CREB5: variants seen among roughly 807,000 people sequenced by gnomAD.
The protein encoded by CREB5 is cAMP responsive element binding protein 5.
A neutral mutation model predicts 57.1 loss-of-function variants in CREB5; 19 were observed. The ratio of observed to expected loss-of-function variants is 0.33; its 90% CI spans 0.23 to 0.49. CREB5 has a LOEUF of 0.49. Ranked by LOEUF, CREB5 falls within the 20% of genes least tolerant of loss-of-function variation. The pLI, the probability that CREB5 is intolerant of heterozygous loss-of-function variation, is 0.99. For synonymous variants in CREB5, 238 were observed against 238.3 expected (o/e 1.00, Z 0.01); for missense variants, 579 against 671.6 (o/e 0.86, Z 1.52).
chr7:28,571,425 C>T (rs368848571), intron 5 of CREB5, among the ~76,000 whole-genome samples: 1 of 152,110 alleles, frequency 6.6e-6, no homozygotes, highest in African/African-American at 2.4e-5. Context: ...TATTAGCCCT[C>T]TCCTTCCTCT....
At chr7:28,710,885 G>C (rs1221329931) in intron 5 of CREB5, among the ~76,000 whole-genome samples, 4 of 152,174 alleles carry the variant, frequency 2.6e-5, no homozygotes, top group Non-Finnish European at 5.9e-5. Context: ...AATGTTCCTA[G>C]AGAAATGTAC....
At chr7:28,733,271 C>G (rs1803768900) in intron 7 of CREB5, among the ~76,000 whole-genome samples, 1 of 152,160 alleles carries the variant, frequency 6.6e-6, no homozygotes, top group African/African-American at 2.4e-5. Flanking sequence ...GTTTCACATG[C>G]ACCCTTTTCT....
chr7:28,807,434 G>A (rs1416046886), intron 8 of CREB5, among the ~76,000 whole-genome samples: 1 of 152,206 alleles, frequency 6.6e-6, no homozygotes, highest in Non-Finnish European at 1.5e-5. Flanking sequence ...GGGCGACAGA[G>A]AGAGACTCCG....
chr7:28,721,770 G>A (rs1043382909), intron 6 of CREB5, among the ~76,000 whole-genome samples: 3 of 152,212 alleles, frequency 2.0e-5, no homozygotes, highest in Non-Finnish European at 4.4e-5. Context: ...CCTTCAAGGA[G>A]TTCGGTGGGT....
chr7:28,801,232 G>C (rs1808344992), intron 7 of CREB5, among the ~76,000 whole-genome samples: 1 of 152,200 alleles, frequency 6.6e-6, no homozygotes, highest in Non-Finnish European at 1.5e-5. Flanking sequence ...CTGGGGTTTA[G>C]GGGAGAAGGC....
At chr7:28,393,128 T>C (rs760131006) in intron 1 of CREB5, among the ~76,000 whole-genome samples, 1 of 152,246 alleles carries the variant, frequency 6.6e-6, no homozygotes, top group Admixed American at 6.5e-5. Context: ...AGTTTCTCCA[T>C]GTTGATCAGG....
chr7:28,616,677 G>GT (rs1797607892), intron 5 of CREB5, among the ~76,000 whole-genome samples: 1 of 152,008 alleles, frequency 6.6e-6, no homozygotes, highest in African/African-American at 2.4e-5. Context: ...CAGAGAGGCA[G>GT]TTTTTTCTAT....
intron 5 of CREB5, among the ~76,000 whole-genome samples, chr7:28,619,286 A>G (rs1023106349): frequency 6.6e-6 from 1 of 152,326 alleles, no homozygotes; most frequent in African/African-American, 2.4e-5. Flanking sequence ...TAGATGGCCT[A>G]TAGCTTGGAT....
At chr7:28,528,772 TA>T (rs34947879) in intron 4 of CREB5, among the ~76,000 whole-genome samples, 13,870 of 92,480 alleles carry the variant, frequency 0.15, 864 homozygotes, top group East Asian at 0.27. Context: ...TGTTTTAGGT[TA>T]AAAAAAAAAA....
chr7:28,414,295 T>G (rs1730925018), intron 1 of CREB5, among the ~76,000 whole-genome samples: 1 of 151,970 alleles, frequency 6.6e-6, no homozygotes, highest in African/African-American at 2.4e-5. Context: ...GTCTTTTTTT[T>G]TTTTAGAGGC....
chr7:28,369,798 T>C (rs1786668396), intron 1 of CREB5, among the ~76,000 whole-genome samples: 2 of 152,154 alleles, frequency 1.3e-5, no homozygotes, highest in African/African-American at 4.8e-5. Flanking sequence ...AGGCTAAATC[T>C]AATCTTCACC....
chr7:28,380,410 G>A (rs1361459962), intron 1 of CREB5, among the ~76,000 whole-genome samples: 1 of 152,170 alleles, frequency 6.6e-6, no homozygotes, highest in African/African-American at 2.4e-5. Context: ...TCTCTGACAA[G>A]TGGTTTTGAC....
chr7:28,358,199 G>T (rs993754288), intron 1 of CREB5, among the ~76,000 whole-genome samples: 1 of 152,152 alleles, frequency 6.6e-6, no homozygotes, highest in Non-Finnish European at 1.5e-5. Context: ...GCTTAAATAT[G>T]CTCCGCTGAC....
chr7:28,592,644 G>C (rs1304721196), intron 5 of CREB5, among the ~76,000 whole-genome samples: 1 of 152,100 alleles, frequency 6.6e-6, no homozygotes, highest in African/African-American at 2.4e-5. Flanking sequence ...AACATGCATG[G>C]ATCAGTTAGT....
At chr7:28,416,930 A>G (rs982488601) in intron 1 of CREB5, among the ~76,000 whole-genome samples, 1 of 151,902 alleles carries the variant, frequency 6.6e-6, no homozygotes, top group African/African-American at 2.4e-5. Context: ...ATAGATTTTT[A>G]TATCAAATCT....
At chr7:28,631,385 G>C (rs1404899390) in intron 5 of CREB5, among the ~76,000 whole-genome samples, 3 of 152,152 alleles carry the variant, frequency 2.0e-5, no homozygotes, top group Non-Finnish European at 2.9e-5. Flanking sequence ...CTTGAGAAAG[G>C]CACTCAATCC....
chr7:28,499,404 G>A (rs1369590929), intron 3 of CREB5, among the ~76,000 whole-genome samples: 2 of 152,082 alleles, frequency 1.3e-5, no homozygotes, highest in African/African-American at 4.8e-5. Context: ...GTGCACATGT[G>A]TCCTCTCATG....
chr7:28,657,738 A>AT (rs1554281277), intron 5 of CREB5, among the ~76,000 whole-genome samples: 5,615 of 139,758 alleles, frequency 0.04, 455 homozygotes, highest in African/African-American at 0.14. Flanking sequence ...AAAAAAAAAA[A>AT]GAATAAAATT....
At chr7:28,427,748 A>T (rs943128773) in intron 1 of CREB5, among the ~76,000 whole-genome samples, 1 of 151,982 alleles carries the variant, frequency 6.6e-6, no homozygotes, top group African/African-American at 2.4e-5. Flanking sequence ...TGCATTTCCA[A>T]AGCCTCAATC....
Sources: gnomAD v4.1 joint callset for allele counts (sites outside exome capture counted in the v4.1 genomes callset) on GRCh38, gnomAD v4.1.1 for gene constraint, MANE v1.5 for transcripts, NCBI Gene and HGNC (gene_info 2026-07-23, HGNC 2026-07-21) for gene names.